The following NFILZ variants were observed in gnomAD, a reference collection of about 807,000 sequenced individuals.
NFILZ encodes NFIL3 like protein.
At chr19:8,667,826 G>GT (rs1405185350) in intron 3 of NFILZ, among the ~76,000 whole-genome samples, 6 of 151,934 alleles carry the variant, frequency 3.9e-5, no homozygotes, top group Non-Finnish European at 7.4e-5. Context: ...GATTATAGGC[G>GT]TGAGCCACAG....
intron 3 of NFILZ, among the ~76,000 whole-genome samples, chr19:8,658,474 CAT>C (rs1265304477): frequency 4.3e-4 from 66 of 152,264 alleles, no homozygotes; most frequent in African/African-American, 1.2e-3. Context: ...TAACAAAAAA[CAT>C]TGACAACTTT....
chr19:8,637,028 G>T lies in NFILZ; in HGVS notation c.-164+1282G>T, dbSNP rs75896965. Among the ~76,000 whole-genome samples the T allele has an allele frequency of 1.1e-3, 173 of 152,204 alleles. 4 individuals are homozygous for T. The East Asian group carries it at 0.032, about 28-fold the overall frequency. ...TGAGGTATAGGACAGGGTGCCTGGAGGGGAGGCCAGAATCTTCATTCTAAC... is the reference window on the plus strand; with the variant it reads ...TGAGGTATAGGACAGGGTGCCTGGATGGGAGGCCAGAATCTTCATTCTAAC... On this transcript the variant is annotated intron_variant, in intron 3 of 5. Coordinates refer to ENST00000691075, the MANE Select transcript of NFILZ (RefSeq NM_001378600.1).
intron 3 of NFILZ, among the ~76,000 whole-genome samples, chr19:8,643,282 T>G (rs2042926569): frequency 6.6e-6 from 1 of 152,212 alleles, no homozygotes; most frequent in Non-Finnish European, 1.5e-5. Context: ...TGTTTTCACA[T>G]GTTTTCACTT....
At position 8,632,597 on chromosome 19, in the gene NFILZ, A is replaced by T. The variant is rs1046021046; in HGVS notation, c.-289A>T. 1 of 152,176 alleles carries T rather than the reference A, an allele frequency of 6.6e-6. No homozygotes were observed. Among genetic ancestry groups the T allele is most frequent in the Non-Finnish European group, 1.5e-5 (1 of 68,040 alleles). 9.4% of individuals were successfully genotyped at this position (152,176 alleles called of 1,614,324 possible). A position where few individuals can be genotyped will look rare whatever the true frequency, so the allele number is the denominator to read the frequency against. Reference sequence around the variant, plus strand: ...TACAGATGCCATGGCAACATCAGGAAGTTACCCTCTATGCTCTAAAAACGG... The same window carrying T: ...TACAGATGCCATGGCAACATCAGGATGTTACCCTCTATGCTCTAAAAACGG... On this transcript the variant is annotated 5_prime_UTR_variant, in exon 2 of 6. In the 5' UTR this introduces an upstream ATG that the reference lacks. Transcript: ENST00000691075.
intron 3 of NFILZ, among the ~76,000 whole-genome samples, chr19:8,656,835 G>T (rs1347402175): frequency 6.6e-6 from 1 of 152,200 alleles, no homozygotes; most frequent in South Asian, 2.1e-4. Context: ...ACCAGGGAGG[G>T]TCTGGCTGTT....
At chr19:8,668,353 G>C (rs1600154093) in intron 3 of NFILZ, among the ~76,000 whole-genome samples, 1 of 151,530 alleles carries the variant, frequency 6.6e-6, no homozygotes, top group East Asian at 1.9e-4. Context: ...CATGGATATG[G>C]AACCCGAGGA....
In NFILZ at chr19:8,647,771, G is replaced by A. The variant is rs2340542; in HGVS notation, c.-164+12025G>A. Among the ~76,000 whole-genome samples, 308 of 104,144 alleles carry A rather than the reference G, an allele frequency of 3.0e-3. 2 individuals carry two copies. The highest frequency in any genetic ancestry group is 6.2e-3 in the African/African-American group (154 of 24,666). The allele number at this position is 104,144 out of a possible 152,430, so 68.3% of individuals were successfully genotyped here. A position where few individuals can be genotyped will look rare whatever the true frequency, so the allele number is the denominator to read the frequency against. ...ACAACACACACACACACACACACAC[G>A]CACACATGCGCGCGCGCGCGCGCGC... On this transcript the variant is annotated intron_variant, in intron 3 of 5. Transcript: ENST00000691075.
chr19:8,633,898 CCTTCCTTCCT>C (rs2042882271), intron 2 of NFILZ, among the ~76,000 whole-genome samples: 1 of 138,206 alleles, frequency 7.2e-6, no homozygotes, highest in South Asian at 2.5e-4. Context: ...TTCCTTCCTT[CCTTCCTTCCT>C]TCCTTCCTTC....
At chr19:8,663,390 G>A (rs1453365505) in intron 3 of NFILZ, among the ~76,000 whole-genome samples, 1 of 143,456 alleles carries the variant, frequency 7.0e-6, no homozygotes, top group African/African-American at 2.5e-5. Context: ...GGTGGCAGTG[G>A]GGGATGGAAC....
rs377270184 is a variant in NFILZ at position 8,657,886 on chromosome 19, T to C, written c.-163-16665T>C. ...GGGCCAAAAGAGCTAGATGTTTGGG[T>C]CTCAGAGACCACACCCCATTCTGAC... On this transcript the variant is annotated intron_variant, in intron 3 of 5. Transcript: ENST00000691075. Among the ~76,000 whole-genome samples the C allele has an allele frequency of 3.4e-4, 52 of 152,086 alleles. 1 individual carries two copies. The South Asian group carries it at 8.5e-3, about 25-fold the overall frequency.
intron 3 of NFILZ, among the ~76,000 whole-genome samples, chr19:8,672,443 G>A (rs576694930): frequency 1.4e-5 from 2 of 147,512 alleles, no homozygotes; most frequent in Non-Finnish European, 3.0e-5. Context: ...CCATGCATTT[G>A]TTAGTTCATT....
At chr19:8,650,552 T>C (rs1260076821) in intron 3 of NFILZ, among the ~76,000 whole-genome samples, 1 of 149,742 alleles carries the variant, frequency 6.7e-6, no homozygotes, top group Non-Finnish European at 1.5e-5. Flanking sequence ...TACTGGGGAG[T>C]CTGAGGCAGG....
At chr19:8,633,021 C>CCT (rs782098874) in intron 2 of NFILZ, among the ~76,000 whole-genome samples, 1 of 118,486 alleles carries the variant, frequency 8.4e-6, no homozygotes, top group East Asian at 2.5e-4. Flanking sequence ...CTGCACCTGC[C>CCT]TTTTTTTTTT....
chr19:8,663,142 A>G (rs2043039742), intron 3 of NFILZ, among the ~76,000 whole-genome samples: 1 of 150,808 alleles, frequency 6.6e-6, no homozygotes, highest in Non-Finnish European at 1.5e-5. Context: ...TGCTTTTTTA[A>G]GAGATGGGGT....
chr19:8,654,531 C>T (rs1555748127), intron 3 of NFILZ, among the ~76,000 whole-genome samples: 10 of 151,968 alleles, frequency 6.6e-5, no homozygotes, highest in Non-Finnish European at 1.5e-5. Flanking sequence ...GGGAAGATCA[C>T]TTGAGCCCAG....
At chr19:8,633,172 C>T (rs1209582802) in intron 2 of NFILZ, among the ~76,000 whole-genome samples, 1 of 151,968 alleles carries the variant, frequency 6.6e-6, no homozygotes, top group Non-Finnish European at 1.5e-5. Context: ...AGATGTGCAC[C>T]ACCATGCCCA....
In NFILZ at chr19:8,647,783, G is replaced by GCA. The variant is rs1555747261; in HGVS notation, c.-164+12038_-164+12039insAC. Among the ~76,000 whole-genome samples, 8 of 40,856 alleles carry GCA rather than the reference G, an allele frequency of 2.0e-4. No homozygotes were observed. The South Asian group carries it at 5.1e-3, about 26-fold the overall frequency. The allele number at this position is 40,856 out of a possible 152,430, so 26.8% of individuals were successfully genotyped here. ...CACACACACACACGCACACATGCGC[G>GCA]CGCGCGCGCGCGCACACACACACAC... On this transcript the variant is annotated intron_variant, in intron 3 of 5. Transcript: ENST00000691075.
intron 3 of NFILZ, among the ~76,000 whole-genome samples, chr19:8,671,503 G>A (rs1281648581): frequency 2.0e-5 from 3 of 152,090 alleles, no homozygotes; most frequent in East Asian, 1.9e-4. Flanking sequence ...TGGCCTGAGA[G>A]CTGACTGCTC....
intron 3 of NFILZ, among the ~76,000 whole-genome samples, chr19:8,665,394 G>A (rs1198767715): frequency 6.6e-6 from 1 of 152,162 alleles, no homozygotes; most frequent in Non-Finnish European, 1.5e-5. Context: ...GGCTAAGGGG[G>A]TACTAAGGCC....
Sources: gnomAD v4.1 joint callset for allele counts (sites outside exome capture counted in the v4.1 genomes callset) on GRCh38, gnomAD v4.1.1 for gene constraint, MANE v1.5 for transcripts, NCBI Gene and HGNC (gene_info 2026-07-23, HGNC 2026-07-21) for gene names.